DPY19L2: variants seen among roughly 807,000 people sequenced by gnomAD.
DPY19L2 encodes probable C-mannosyltransferase DPY19L2.
In DPY19L2, 34 loss-of-function variants were observed where a neutral mutation model predicts 97.9. That is an observed-to-expected ratio of 0.35 (90% CI 0.26 to 0.46). The LOEUF (loss-of-function observed/expected upper bound fraction) is 0.46, where lower values mean the gene tolerates loss of function less well. DPY19L2 is among the 20% of genes least tolerant of loss of function. The probability of loss-of-function intolerance (pLI) is 1.00; values close to 1 mark genes in which losing one functional copy is unlikely to be tolerated. For synonymous variants in DPY19L2, 230 were observed against 307.9 expected (o/e 0.75, Z 2.65); for missense variants, 623 against 911.4 (o/e 0.68, Z 4.07).
chr12:63,561,004 A>G (rs1231484717), intron 21 of DPY19L2, among the ~76,000 whole-genome samples: 1 of 152,216 alleles, frequency 6.6e-6, no homozygotes, highest in Non-Finnish European at 1.5e-5. Flanking sequence ...GCCCATTTGT[A>G]GTAAAATAAG....
At chr12:63,620,787 A>C (rs1347337326) in intron 9 of DPY19L2, among the ~76,000 whole-genome samples, 1 of 152,186 alleles carries the variant, frequency 6.6e-6, no homozygotes, top group African/African-American at 2.4e-5. Context: ...TATTCACAAT[A>C]GCAAAGACAT....
intron 14 of DPY19L2, among the ~76,000 whole-genome samples, chr12:63,596,620 T>C (rs1343762606): frequency 1.3e-5 from 2 of 152,224 alleles, no homozygotes; most frequent in African/African-American, 4.8e-5. Context: ...CATGGATAAC[T>C]AGTGGTCAAT....
At chr12:63,626,710 G>A (rs146879850) in intron 6 of DPY19L2, among the ~76,000 whole-genome samples, 184 bp from the exon 7 acceptor site, 25 of 152,160 alleles carry the variant, frequency 1.6e-4, no homozygotes, top group East Asian at 3.9e-4. Context: ...AAAAGTGTAC[G>A]TATAAATTAA....
rs1439593134 is a variant in DPY19L2, at chr12:63,569,340, T to C, written c.2010A>G (p.Thr670=). ...GACTATATGTAGAATAAACTATTTT[T>C]GTCCGAGCCCTTTAAATTTAAACAA... ...HYEDADLRAR[T]KIVYSTYSRK... is the part of the protein sequence containing the mutation. Residue 670 remains threonine (T), a synonymous_variant, in exon 21 of 22, where the codon ACA becomes ACG. Transcript: ENST00000324472. 18 of 1,587,258 alleles carry C rather than the reference T, an allele frequency of 1.1e-5. No homozygotes were observed. The highest frequency in any genetic ancestry group is 1.5e-5 in the Non-Finnish European group (17 of 1,169,078).
intron 12 of DPY19L2, 82 bp from the exon 13 acceptor site, chr12:63,600,468 G>GA (rs1884952663): frequency 1.7e-6 from 2 of 1,207,580 alleles, no homozygotes; most frequent in Admixed American, 2.1e-5. Flanking sequence ...AAATGACATA[G>GA]AAAAAATTTA....
At position 63,559,788 on chromosome 12, in the gene DPY19L2, A is replaced by T. The variant is rs188890633; in HGVS notation, c.*724T>A. On this transcript the variant is annotated 3_prime_UTR_variant, in exon 22 of 22. Coordinates refer to ENST00000324472, the MANE Select transcript of DPY19L2 (RefSeq NM_173812.5). ...CCATAGCAGTTTCTGTTTTACCTGG[A>T]TGTTAAAAGAAAAGCCACTGGAATC... is the stretch of plus-strand genomic sequence containing the variant. The T allele has an allele frequency of 6.6e-6, 1 of 152,136 alleles. No homozygotes were observed. The highest frequency in any genetic ancestry group is 1.9e-4 in the East Asian group (1 of 5,178). The allele number at this position is 152,136 out of a possible 1,614,324, so 9.4% of individuals were successfully genotyped here. A position where few individuals can be genotyped will look rare whatever the true frequency, so the allele number is the denominator to read the frequency against.
At chr12:63,594,050 A>G (rs1187043580) in intron 16 of DPY19L2, 37 bp downstream of exon 16, 1 of 1,357,822 alleles carries the variant, frequency 7.4e-7, no homozygotes, top group Non-Finnish European at 1.0e-6. Flanking sequence ...TAATAATGGA[A>G]TACTGTATGT....
intron 8 of DPY19L2, chr12:63,623,807 CAATTCTCCTG>C (rs1889091722): frequency 8.3e-6 from 3 of 361,576 alleles, no homozygotes; most frequent in Non-Finnish European, 1.6e-5. Flanking sequence ...TGGGTTCAAG[CAATTCTCCTG>C]CCTCAGCCTC....
At chr12:63,610,865 A>C (rs1312530423) in intron 11 of DPY19L2, among the ~76,000 whole-genome samples, 1 of 104,168 alleles carries the variant, frequency 9.6e-6, no homozygotes, top group Non-Finnish European at 2.0e-5. Flanking sequence ...AAAAAAAAAA[A>C]AAAAAAAAAA....
At position 63,604,943 on chromosome 12, in the gene DPY19L2, G is replaced by C. The variant is rs187020691; in HGVS notation, c.1278+3673C>G. On this transcript the variant is annotated intron_variant, in intron 12 of 21. Coordinates refer to ENST00000324472, the MANE Select transcript of DPY19L2 (RefSeq NM_173812.5). ...CCAGTACATTTTTTATATTATGTTA[G>C]AGACTGTGGATCCTATTTTAAATTT... is the stretch of plus-strand genomic sequence containing the variant. Among the ~76,000 whole-genome samples, 46 of 152,178 alleles carry C rather than the reference G, an allele frequency of 3.0e-4. No individual in the cohort carries two copies. In the East Asian group the frequency reaches 4.6e-3, roughly 15 times the overall value.
intron 12 of DPY19L2, among the ~76,000 whole-genome samples, chr12:63,601,229 TG>T (rs1885137025): frequency 6.6e-6 from 1 of 152,196 alleles, no homozygotes; most frequent in Non-Finnish European, 1.5e-5. Flanking sequence ...ACCACTCCTG[TG>T]GAAATATATG....
chr12:63,612,113 G>C (rs1030123071), intron 11 of DPY19L2, among the ~76,000 whole-genome samples: 9 of 151,898 alleles, frequency 5.9e-5, no homozygotes, highest in African/African-American at 2.2e-4. Context: ...CAAACAACAA[G>C]ACAAGTCAAG....
At chr12:63,626,980 T>C (rs1031938260) in intron 6 of DPY19L2, among the ~76,000 whole-genome samples, 8 of 152,148 alleles carry the variant, frequency 5.3e-5, no homozygotes, top group African/African-American at 1.4e-4. Context: ...GGTTTTACCA[T>C]GTTGGCTAAG....
intron 6 of DPY19L2, among the ~76,000 whole-genome samples, chr12:63,639,669 T>C (rs898178162): frequency 1.8e-4 from 28 of 152,126 alleles, no homozygotes; most frequent in African/African-American, 6.8e-4. Flanking sequence ...TCACACCAGT[T>C]AGAATGGCAA....
chr12:63,662,366 T>C (rs1895788400), intron 3 of DPY19L2, among the ~76,000 whole-genome samples: 1 of 152,078 alleles, frequency 6.6e-6, no homozygotes, highest in Non-Finnish European at 1.5e-5. Context: ...GAAAGGCCAT[T>C]ACCTCATAGT....
intron 6 of DPY19L2, among the ~76,000 whole-genome samples, chr12:63,633,332 T>C (rs531528688): frequency 7.2e-5 from 11 of 152,086 alleles, no homozygotes; most frequent in African/African-American, 2.4e-4. Context: ...AGGGCTAATA[T>C]CCAGAATCTA....
rs144429195 is a variant in DPY19L2 at position 63,637,754 on chromosome 12, T to G, written c.803+6649A>C. 4.5e-3 allele frequency among the ~76,000 whole-genome samples: 685 copies of G among 152,128 alleles called. 9 individuals are homozygous for G. The highest frequency in any genetic ancestry group is 7.8e-3 in the Non-Finnish European group (532 of 67,962). ...CAAAAAAAGTCCAGGACCAGACAGA[T>G]TCACAGCCCAATCCTACCAGAGGTA... On this transcript the variant is annotated intron_variant, in intron 6 of 21. Coordinates refer to ENST00000324472, the MANE Select transcript of DPY19L2 (RefSeq NM_173812.5).
In DPY19L2 at chr12:63,661,381, A is replaced by G. The variant is rs1177143699; in HGVS notation, c.551T>C (p.Ile184Thr). Residue 184 changes from isoleucine (I) to threonine (T), a missense_variant, in exon 4 of 22, where the codon ATA becomes ACA. Ile to Thr is a moderately conservative substitution (Grantham distance 89). Coordinates refer to ENST00000324472, the MANE Select transcript of DPY19L2 (RefSeq NM_173812.5). ...ATGGAAGCGTTTTATTGCATTAATT[A>G]TAAGAGGATATTCAGTAAGCCTGTC... Reference protein sequence around the residue: ...MNDRLTEYPLIINAIKRFHLY... With the variant: ...MNDRLTEYPLTINAIKRFHLY... 7.5e-6 allele frequency: 12 copies of G among 1,593,814 alleles called. No homozygotes were observed. The highest frequency in any genetic ancestry group is 4.6e-5 in the South Asian group (4 of 86,196).
chr12:63,572,785 C>T (rs1879120756), intron 19 of DPY19L2, among the ~76,000 whole-genome samples: 1 of 152,020 alleles, frequency 6.6e-6, no homozygotes, highest in Non-Finnish European at 1.5e-5. Flanking sequence ...AGAACAAGAG[C>T]TTCTGCCTGC....
Sources: allele counts gnomAD v4.1 joint callset (sites outside exome capture counted in the v4.1 genomes callset), GRCh38; gene constraint gnomAD v4.1.1; transcripts MANE v1.5; gene names NCBI Gene and HGNC (gene_info 2026-07-23, HGNC 2026-07-21).